Variants in TNRC6A observed in about 807,000 individuals in gnomAD.
The protein encoded by TNRC6A is trinucleotide repeat-containing gene 6A protein.
TNRC6A carries 44 observed loss-of-function variants against 221.2 expected under a neutral mutation model. The ratio of observed to expected loss-of-function variants is 0.20; its 90% CI spans 0.16 to 0.26. TNRC6A has a LOEUF of 0.26. TNRC6A is among the 10% of genes least tolerant of loss of function. TNRC6A has a pLI of 1.00. For missense variants in TNRC6A, 2,199 were observed against 2,404.4 expected (o/e 0.91, Z 1.79); for synonymous variants, 847 against 838.5 (o/e 1.01, Z -0.18).
At chr16:24,792,613 C>CTTTTTTTTTTTTTTTTTTTTTTTTTTGTT (rs34670934) in intron 6 of TNRC6A, among the ~76,000 whole-genome samples, 1 of 56,516 alleles carries the variant, frequency 1.8e-5, no homozygotes, top group Non-Finnish European at 2.9e-5. Context: ...ACATTTATGG[C>CTTTTTTTTTTTTTTTTTTTTTTTTTTGTT]TTTTTTTTTT....
intron 5 of TNRC6A, chr16:24,778,214 C>G: frequency 2.0e-5 from 18 of 880,980 alleles, no homozygotes; most frequent in Non-Finnish European, 2.4e-5. Flanking sequence ...GGGCAGGTTA[C>G]TTAATTGCTC....
chr16:24,772,880 A>T (rs752855711), intron 4 of TNRC6A, among the ~76,000 whole-genome samples: 1 of 152,228 alleles, frequency 6.6e-6, no homozygotes, highest in South Asian at 2.1e-4. Flanking sequence ...TATTTCTTCT[A>T]TGTAAACTAG....
chr16:24,789,852 A>G lies in TNRC6A; in HGVS notation c.1210A>G (p.Asn404Asp). Residue 404 changes from asparagine to aspartate, a missense_variant, in exon 6 of 25, where the codon AAT becomes GAT. Physicochemically the swap from Asn to Asp is conservative, Grantham distance 23 (BLOSUM62 1). Transcript: ENST00000395799. ...QCSTIGQMPN[N>D]QSINSKVSGG... Reference sequence around the variant, plus strand: ...CAGTACTATAGGCCAGATGCCTAACAATCAGAGTATTAACTCTAAAGTGAG... The same window carrying G: ...CAGTACTATAGGCCAGATGCCTAACGATCAGAGTATTAACTCTAAAGTGAG... The G allele has an allele frequency of 6.2e-7, 1 of 1,614,200 alleles. No homozygotes were observed. The highest frequency in any genetic ancestry group is 8.5e-7 in the Non-Finnish European group (1 of 1,180,034).
At chr16:24,819,589 A>G (rs987359407) in intron 21 of TNRC6A, 1 of 145,782 alleles carries the variant, frequency 6.9e-6, no homozygotes, top group African/African-American at 2.7e-5. Context: ...CATTAGACCC[A>G]TAAGCAAATT....
intron 21 of TNRC6A, among the ~76,000 whole-genome samples, chr16:24,819,336 G>C (rs1473912505): frequency 6.6e-6 from 1 of 152,132 alleles, no homozygotes; most frequent in Non-Finnish European, 1.5e-5. Flanking sequence ...GATAGTTGAT[G>C]TGGTTTACTG....
chr16:24,661,331 G>A (rs2055030132), intron 2 of TNRC6A: 1 of 150,850 alleles, frequency 6.6e-6, no homozygotes, highest in East Asian at 2.0e-4. Flanking sequence ...GAAACTGTAT[G>A]GCATATTTTT....
intron 2 of TNRC6A, among the ~76,000 whole-genome samples, chr16:24,669,145 G>C (rs1410853255): frequency 6.6e-6 from 1 of 152,128 alleles, no homozygotes; most frequent in Non-Finnish European, 1.5e-5. Context: ...GACTAAAATA[G>C]AGAGGGGAAA....
upstream of TNRC6A, among the ~76,000 whole-genome samples, chr16:24,727,695 A>G (rs910885677): frequency 6.6e-6 from 1 of 152,242 alleles, no homozygotes; most frequent in Non-Finnish European, 1.5e-5. Flanking sequence ...GTTGTTGTGA[A>G]AAATTATTCC....
At chr16:24,706,768 G>C (rs535604990) in intron 2 of TNRC6A, among the ~76,000 whole-genome samples, 1 of 150,256 alleles carries the variant, frequency 6.7e-6, no homozygotes, top group South Asian at 2.1e-4. Context: ...TTAGAATCTA[G>C]AAATAGACCC....
In TNRC6A at chr16:24,790,358, T is replaced by C; in HGVS notation, c.1716T>C (p.Gly572=). 6.2e-7 allele frequency: 1 copy of C among 1,614,060 alleles called. No individual in the cohort carries two copies. The highest frequency in any genetic ancestry group is 1.1e-5 in the South Asian group (1 of 91,086). The change falls in exon 6 of 25, where the codon GGT becomes GGC. Residue 572 remains glycine, a synonymous_variant. Transcript: ENST00000395799. ...AAGTTAACACAAACAAAGGAGGTGG[T>C]GTGTGGGAATCTGGTGCAGCAAACT... ...NFQVNTNKGG[G]VWESGAANSQ... is the part of the protein sequence containing the mutation.
chr16:24,767,387 A>G (rs891528388), intron 4 of TNRC6A, among the ~76,000 whole-genome samples: 2 of 152,206 alleles, frequency 1.3e-5, no homozygotes, highest in Non-Finnish European at 2.9e-5. Context: ...TAGATTAGGG[A>G]AAGTCGAGGT....
In TNRC6A at chr16:24,791,238, T is replaced by C. The variant is rs752281792; in HGVS notation, c.2596T>C (p.Trp866Arg). ...NWGETSRNNHWGEANKKSSSG... is the reference protein window; with the variant it reads ...NWGETSRNNHRGEANKKSSSG... ...GGGAGAAACTTCAAGGAATAACCAT[T>C]GGGGTGAGGCCAATAAGAAATCCAG... Residue 866 changes from tryptophan (W) to arginine (R), a missense_variant, in exon 6 of 25, where the codon TGG (tryptophan) becomes CGG (arginine). Physicochemically the swap from Trp to Arg is moderately radical, Grantham distance 101. Transcript: ENST00000395799. The C allele has an allele frequency of 1.2e-6, 2 of 1,614,040 alleles. No homozygotes were observed. Among genetic ancestry groups the C allele is most frequent in the Non-Finnish European group, 1.7e-6 (2 of 1,180,020 alleles).
chr16:24,777,467 G>A, intron 5 of TNRC6A, 109 bp downstream of exon 5: 1 of 1,086,850 alleles, frequency 9.2e-7, no homozygotes, highest in Middle Eastern at 2.9e-4. Context: ...TCAGTATGTG[G>A]GCTTTAATGT....
At chr16:24,748,722 C>T (rs927080622) in intron 2 of TNRC6A, among the ~76,000 whole-genome samples, 11 of 152,208 alleles carry the variant, frequency 7.2e-5, no homozygotes, top group Admixed American at 2.6e-4. Flanking sequence ...TTGCAGCGCA[C>T]CTATAGCAAC....
At chr16:24,729,255 G>A (rs1163812828), upstream of TNRC6A, among the ~76,000 whole-genome samples, 9 of 151,504 alleles carry the variant, frequency 5.9e-5, no homozygotes, top group Non-Finnish European at 1.3e-4. Flanking sequence ...CAAAAGCCGC[G>A]CGGGCTCATC....
At chr16:24,798,240 G>GCA in intron 11 of TNRC6A, 1 of 256,906 alleles carries the variant, frequency 3.9e-6, no homozygotes, top group Non-Finnish European at 7.4e-6. Flanking sequence ...TTAGGGAACA[G>GCA]CACGTAGAAG....
At position 24,823,586 on chromosome 16, in the gene TNRC6A, T is replaced by G; in HGVS notation, c.5668T>G (p.Ser1890Ala). Residue 1890 changes from serine (S) to alanine (A), a missense_variant, in exon 25 of 25, where the codon TCA becomes GCA. By Grantham distance (99) the Ser-to-Ala change is moderately conservative. This residue lies in a region of TNRC6A where 130 missense variants were observed against 121.7 expected (regional missense o/e 1.07). Transcript: ENST00000395799. This position sits in a 1 kb window ranked among gnomAD's most constrained non-coding sequence, Gnocchi z 4.3. ...SRLGSLDCSH[S>A]FSSRTDLNHW... ...GCTGGGCTCCCTCGACTGTTCCCAC[T>G]CATTCTCCAGCCGGACCGATCTCAA... 1.2e-6 allele frequency: 2 copies of G among 1,614,094 alleles called. No homozygotes were observed. The highest frequency in any genetic ancestry group is 1.7e-6 in the Non-Finnish European group (2 of 1,180,000).
chr16:24,729,939 C>T (rs995700135), intron 1 of TNRC6A, 93 bp downstream of exon 1: 14 of 1,113,530 alleles, frequency 1.3e-5, no homozygotes, highest in Admixed American at 9.4e-5. Context: ...GAGGCGGCGG[C>T]GCCGGGCGTC....
In TNRC6A at chr16:24,625,744, A is replaced by C. The variant is rs977297700; in HGVS notation, n.277-15140A>C. 6.0e-4 allele frequency among the ~76,000 whole-genome samples: 86 copies of C among 142,376 alleles called. 1 individual carries two copies. Among genetic ancestry groups the C allele is most frequent in the Non-Finnish European group, 1.2e-3 (77 of 65,638 alleles). 93.4% of individuals were successfully genotyped at this position (142,376 alleles called of 152,430 possible). On this transcript the variant is annotated intron_variant and non_coding_transcript_variant, in intron 1 of 2. Transcript: ENST00000566108. Reference sequence around the variant, plus strand: ...CGAGACTCCGTCTCAAAACAAAAAAAAAAAAAAAAAAAAAAAAATTAGCTC... The same window carrying C: ...CGAGACTCCGTCTCAAAACAAAAAACAAAAAAAAAAAAAAAAAATTAGCTC...
Sources: allele counts gnomAD v4.1 joint callset (sites outside exome capture counted in the v4.1 genomes callset), GRCh38; gene constraint gnomAD v4.1.1; regional missense constraint gnomAD v4.1.1; non-coding constraint Gnocchi (gnomAD v3.1); transcripts MANE v1.5; gene names NCBI Gene and HGNC (gene_info 2026-07-23, HGNC 2026-07-21).